Variants in ARPP21 observed in about 807,000 individuals in gnomAD.
ARPP21 encodes the protein cAMP regulated phosphoprotein 21.
ARPP21 carries 69 observed loss-of-function variants against 113.2 expected under a neutral mutation model. The observed-to-expected ratio is 0.61, with a 90% CI of 0.50 to 0.74. The LOEUF (loss-of-function observed/expected upper bound fraction) is 0.74. Ranked by LOEUF, ARPP21 falls within the 30% of genes least tolerant of loss-of-function variation. The probability of loss-of-function intolerance (pLI) is 0.00; values close to 1 mark genes in which losing one functional copy is unlikely to be tolerated. For missense variants in ARPP21, 1,070 were observed against 1,037.4 expected, an observed-to-expected ratio of 1.03 and a Z score of -0.43; for synonymous variants, 368 against 375.5, an observed-to-expected ratio of 0.98 and a Z score of 0.23.
chr3:35,778,217 T>C (rs1328866532), intron 19 of ARPP21, among the ~76,000 whole-genome samples: 1 of 152,186 alleles, frequency 6.6e-6, no homozygotes, highest in Non-Finnish European at 1.5e-5. Flanking sequence ...TCTGTAATCT[T>C]TGAAGGGAAG....
chr3:35,782,774 A>G (rs2096551835), intron 19 of ARPP21, among the ~76,000 whole-genome samples: 2 of 152,276 alleles, frequency 1.3e-5, no homozygotes, highest in African/African-American at 2.4e-5. Flanking sequence ...CATTTATACC[A>G]TGTTAAAACA....
At chr3:35,782,514 A>G (rs1299424056) in intron 19 of ARPP21, among the ~76,000 whole-genome samples, 1 of 152,100 alleles carries the variant, frequency 6.6e-6, no homozygotes, top group Non-Finnish European at 1.5e-5. Flanking sequence ...TGTATCCTCA[A>G]GAGGAAAAAC....
intron 19 of ARPP21, among the ~76,000 whole-genome samples, chr3:35,748,229 G>A (rs1472366606): frequency 4.5e-5 from 6 of 132,758 alleles, no homozygotes; most frequent in Non-Finnish European, 9.4e-5. Flanking sequence ...AATAAAGGAA[G>A]GAAGGAAGGA....
intron 19 of ARPP21, among the ~76,000 whole-genome samples, chr3:35,749,591 G>T (rs546799555): frequency 1.0e-3 from 153 of 152,170 alleles, no homozygotes; most frequent in African/African-American, 3.6e-3. Flanking sequence ...TTTGGAAAGA[G>T]ATTGTATAAA....
chr3:35,712,157 T>C (rs2091325609), intron 11 of ARPP21, among the ~76,000 whole-genome samples: 1 of 152,210 alleles, frequency 6.6e-6, no homozygotes, highest in Non-Finnish European at 1.5e-5. Flanking sequence ...AAGATCATTC[T>C]TTCATAAGAT....
intron 1 of ARPP21, among the ~76,000 whole-genome samples, chr3:35,674,873 C>T (rs2077108816): frequency 6.6e-6 from 1 of 151,808 alleles, no homozygotes; most frequent in African/African-American, 2.4e-5. Flanking sequence ...AGATAGCGGT[C>T]CTGTGAAAAA....
In ARPP21 at chr3:35,645,408, C is replaced by T. The variant is rs577098967; in HGVS notation, c.-213+5010C>T. ...TTTTCACAAGAAAACAATTACGTCA[C>T]TTTTTATTTCAAATATTCCAGCGAA... On this transcript the variant is annotated intron_variant, in intron 1 of 20. Coordinates refer to ENST00000684406, the MANE Select transcript of ARPP21 (RefSeq NM_001385562.1). Among the ~76,000 whole-genome samples the T allele has an allele frequency of 3.9e-5, 6 of 151,962 alleles. No homozygotes were observed. In the South Asian group the frequency reaches 1.0e-3, roughly 26 times the overall value.
chr3:35,661,048 T>A (rs1046112401), intron 1 of ARPP21, among the ~76,000 whole-genome samples: 3 of 152,150 alleles, frequency 2.0e-5, no homozygotes, highest in African/African-American at 4.8e-5. Context: ...TTTAGCAGAC[T>A]TTTTTACACC....
At chr3:35,663,980 T>A (rs968582882) in intron 1 of ARPP21, among the ~76,000 whole-genome samples, 9 of 152,194 alleles carry the variant, frequency 5.9e-5, no homozygotes, top group Admixed American at 5.2e-4. Flanking sequence ...TTGTTGCAAA[T>A]GAAAGTGAAC....
intron 19 of ARPP21, among the ~76,000 whole-genome samples, chr3:35,778,303 T>A (rs2096433761): frequency 6.6e-6 from 1 of 152,176 alleles, no homozygotes; most frequent in South Asian, 2.1e-4. Context: ...CCCCATGAGC[T>A]GCATCTGTCA....
chr3:35,653,089 A>G (rs116636880), intron 1 of ARPP21, among the ~76,000 whole-genome samples: 2 of 152,176 alleles, frequency 1.3e-5, no homozygotes, highest in Non-Finnish European at 2.9e-5. Flanking sequence ...TGTGATTTCA[A>G]ATAAATAATT....
At position 35,640,323 on chromosome 3, in the gene ARPP21, T is replaced by C. The variant is rs1353264567; in HGVS notation, c.-288T>C. The C allele has an allele frequency of 6.6e-6, 1 of 152,128 alleles. No individual in the cohort carries two copies. The highest frequency in any genetic ancestry group is 1.5e-5 in the Non-Finnish European group (1 of 68,072). The allele number at this position is 152,128 out of a possible 1,614,324, so 9.4% of individuals were successfully genotyped here. ...CAAATCAATCATTGAGAAACAATAA[T>C]ATTAATAAAATCCAAAACTAAATCA... is the stretch of plus-strand genomic sequence containing the variant. On this transcript the variant is annotated 5_prime_UTR_variant, in exon 1 of 21. Coordinates refer to ENST00000684406, the MANE Select transcript of ARPP21 (RefSeq NM_001385562.1).
chr3:35,780,164 G>A (rs1047169355), intron 19 of ARPP21, among the ~76,000 whole-genome samples: 19 of 152,146 alleles, frequency 1.2e-4, no homozygotes, highest in African/African-American at 4.3e-4. Context: ...ATGTGCCATT[G>A]CAAGATACTT....
chr3:35,659,629 C>T (rs1706736965), intron 1 of ARPP21, among the ~76,000 whole-genome samples: 2 of 152,084 alleles, frequency 1.3e-5, no homozygotes, highest in Admixed American at 1.3e-4. Context: ...ATAGAGACAT[C>T]AAGGTGAACA....
intron 9 of ARPP21, among the ~76,000 whole-genome samples, chr3:35,705,302 A>G (rs1381217812): frequency 6.6e-6 from 1 of 152,194 alleles, no homozygotes; most frequent in Non-Finnish European, 1.5e-5. Context: ...ACACTGTAAT[A>G]TCTTTACAGT....
Position 35,792,481 on chromosome 3 carries a change from C to T in ARPP21, c.2237C>T (p.Thr746Ile). Residue 746 changes from threonine to isoleucine, a missense_variant, in exon 20 of 21, where the codon ACT becomes ATT. By Grantham distance (89) the Thr-to-Ile change is moderately conservative. Transcript: ENST00000684406. ...SQNVINNQQG[T>I]PVQSVMVSYP... The stretch of plus-strand genomic sequence containing the variant: ...AACGTGATAAATAACCAACAAGGAA[C>T]TCCGGTGCAAAGCGTGATGGTTTCC... 2 of 1,614,056 alleles carry T rather than the reference C, an allele frequency of 1.2e-6. No individual in the cohort carries two copies.
chr3:35,739,200 A>G lies in ARPP21; in HGVS notation c.1750-117A>G, dbSNP rs2094523066. 1.4e-5 allele frequency: 17 copies of G among 1,217,234 alleles called. No individual in the cohort carries two copies. In the South Asian group the frequency reaches 2.4e-4, roughly 17 times the overall value. 75.4% of individuals were successfully genotyped at this position (1,217,234 alleles called of 1,614,324 possible). A position where few individuals can be genotyped will look rare whatever the true frequency, so the allele number is the denominator to read the frequency against. On this transcript the variant is annotated intron_variant, in intron 17 of 20. Transcript: ENST00000684406. Reference sequence around the variant, plus strand: ...AATTATTTTATTTTATTTTTTCCAAATTGTACTTCCTGTCTCTCCCACAAC... The same window carrying G: ...AATTATTTTATTTTATTTTTTCCAAGTTGTACTTCCTGTCTCTCCCACAAC...
In ARPP21 at chr3:35,721,651, A is replaced by G; in HGVS notation, c.1042A>G (p.Ser348Gly). The change falls in exon 14 of 21, where the codon AGC becomes GGC. Residue 348 changes from serine (S) to glycine (G), a missense_variant. Coordinates refer to ENST00000684406, the MANE Select transcript of ARPP21 (RefSeq NM_001385562.1). The stretch of plus-strand genomic sequence containing the variant: ...GAGAACATCTGGGAGTCGACAGAGC[A>G]GCTCAGAAAATGAACTCAAGTGGTC... ...SGRTSGSRQS[S>G]SENELKWSDH... 1.2e-6 allele frequency: 2 copies of G among 1,613,940 alleles called. 1 individual carries two copies. Among genetic ancestry groups the G allele is most frequent in the South Asian group, 2.2e-5 (2 of 91,056 alleles).
Position 35,793,698 on chromosome 3 carries a change from C to A in ARPP21, c.2287-3C>A. On this transcript the variant is annotated splice_polypyrimidine_tract_variant and splice_region_variant and intron_variant, in intron 20 of 20. Coordinates refer to ENST00000684406, the MANE Select transcript of ARPP21 (RefSeq NM_001385562.1). ...CAGGGTTCTTGCTTGTGTCTTTTTA[C>A]AGGTGCCAATGACCCAGGGTTCTCA... is the stretch of plus-strand genomic sequence containing the variant. 1 of 1,611,486 alleles carries A rather than the reference C, an allele frequency of 6.2e-7. No homozygotes were observed. Among genetic ancestry groups the A allele is most frequent in the Non-Finnish European group, 8.5e-7 (1 of 1,177,630 alleles).
Sources: gnomAD v4.1 joint callset for allele counts (sites outside exome capture counted in the v4.1 genomes callset) on GRCh38, gnomAD v4.1.1 for gene constraint, MANE v1.5 for transcripts, NCBI Gene and HGNC (gene_info 2026-07-23, HGNC 2026-07-21) for gene names.